SMTNL1: variants seen among roughly 807,000 people sequenced by gnomAD.
SMTNL1 encodes the protein smoothelin-like protein 1.
Under a neutral mutation model 46.6 loss-of-function variants are expected in SMTNL1, and 41 were observed. The observed-to-expected ratio is 0.88, with a 90% CI of 0.69 to 1.14. The LOEUF is 1.14. Among genes scored for constraint, SMTNL1 ranks in the 50% most tolerant of loss-of-function variants. SMTNL1 has a pLI of 0.00. For missense variants in SMTNL1, 591 were observed against 626.1 expected, an observed-to-expected ratio of 0.94 and a Z score of 0.60; for synonymous variants, 234 against 234.2, an observed-to-expected ratio of 1.00 and a Z score of 0.01.
chr11:57,541,398 G>A, intron 1 of SMTNL1: 1 of 845,582 alleles, frequency 1.2e-6, no homozygotes, highest in Non-Finnish European at 1.7e-6. Flanking sequence ...AAGGGCAGGA[G>A]CATGAAGGAG....
intron 1 of SMTNL1, among the ~76,000 whole-genome samples, chr11:57,537,953 C>T (rs1206559191): frequency 6.6e-6 from 1 of 152,104 alleles, no homozygotes; most frequent in East Asian, 1.9e-4. Flanking sequence ...CTGTCCAGCC[C>T]ACAGGCTACC....
chr11:57,543,911 C>A lies in SMTNL1; in HGVS notation c.908C>A (p.Pro303His), dbSNP rs1334136053. The A allele has an allele frequency of 1.3e-6, 2 of 1,584,322 alleles. No individual in the cohort carries two copies. The highest frequency in any genetic ancestry group is 1.3e-5 in the African/African-American group (1 of 74,428). ...PDCVASGQTS[P>H]SASESSPSDV... ...TGTGTAGCTTCCGGACAGACCAGTC[C>A]TTCAGCCAGGTAATGTCAAACTCTG... Residue 303 changes from proline to histidine, a missense_variant, in exon 4 of 8, where the codon CCT becomes CAT. By Grantham distance (77) the Pro-to-His change is moderately conservative (BLOSUM62 -2). Transcript: ENST00000527972.
intron 1 of SMTNL1, chr11:57,541,507 T>C (rs776337006): frequency 2.9e-6 from 4 of 1,367,380 alleles, no homozygotes; most frequent in East Asian, 4.6e-5. Flanking sequence ...TCTACCCCCA[T>C]GCTCCCGGGG....
rs1056058108 is a variant in SMTNL1, at chr11:57,543,700, G to C, written c.809G>C (p.Ser270Thr). ...EPEGGAGVIP[S>T]SPEEWPESPT... is the part of the protein sequence containing the mutation. ...GAGGGAGGGGCAGGGGTGATTCCCA[G>C]CTCCCCAGAGGAGTGGCCTGAGAGC... is the stretch of plus-strand genomic sequence containing the variant. Residue 270 changes from serine to threonine, a missense_variant, in exon 3 of 8, where the codon AGC becomes ACC. Coordinates refer to ENST00000527972, the MANE Select transcript of SMTNL1 (RefSeq NM_001105565.3). 14 of 1,584,126 alleles carry C rather than the reference G, an allele frequency of 8.8e-6. No homozygotes were observed. The highest frequency in any genetic ancestry group is 1.8e-5 in the Admixed American group (1 of 54,782).
intron 4 of SMTNL1, 90 bp downstream of exon 4, chr11:57,544,010 G>C: frequency 9.2e-6 from 12 of 1,308,708 alleles, no homozygotes; most frequent in Non-Finnish European, 1.3e-5. Flanking sequence ...GGTTCCCCCA[G>C]CACCTGATTT....
intron 1 of SMTNL1, chr11:57,541,493 A>G (rs779574429): frequency 9.5e-6 from 13 of 1,367,148 alleles, no homozygotes; most frequent in Non-Finnish European, 1.3e-5. Flanking sequence ...TTAAGATGTC[A>G]TAATCTACCC....
In SMTNL1 at chr11:57,550,025, GC is replaced by G; in HGVS notation, c.1401del (p.Asp468ThrfsTer22). 6.2e-7 allele frequency: 1 copy of G among 1,613,970 alleles called. No individual in the cohort carries two copies. The highest frequency in any genetic ancestry group is 8.5e-7 in the Non-Finnish European group (1 of 1,179,876). The stretch of plus-strand genomic sequence containing the variant: ...TGGATGACATGGTGCGGTTGGCTGT[GC>G]CCGACTCCAAGTGCGTCTACACATA... Reference protein sequence around the residue: ...DVDDMVRLAVPDSKCVYTYIQ... With the variant: ...DVDDMVRLAVXDSKCVYTYIQ... On this transcript the variant is annotated frameshift_variant, in exon 8 of 8. Transcript: ENST00000527972. LOFTEE classifies it high-confidence loss of function.
intron 1 of SMTNL1, 104 bp from the exon 2 acceptor site, chr11:57,542,537 G>A: frequency 7.3e-7 from 1 of 1,365,884 alleles, no homozygotes. Flanking sequence ...AGCCAAGACT[G>A]AACCACGGAC....
intron 7 of SMTNL1, among the ~76,000 whole-genome samples, chr11:57,548,408 AC>A (rs1944936056): frequency 6.6e-6 from 1 of 152,052 alleles, no homozygotes; most frequent in Admixed American, 6.6e-5. Flanking sequence ...AGTGGCTCAC[AC>A]CTGTAATCCT....
intron 1 of SMTNL1, among the ~76,000 whole-genome samples, chr11:57,540,193 T>C (rs553984935): frequency 4.6e-5 from 7 of 152,316 alleles, no homozygotes; most frequent in African/African-American, 1.4e-4. Flanking sequence ...TTCTTGACTA[T>C]CTGGTTTCTA....
chr11:57,540,419 G>A (rs565524565), intron 1 of SMTNL1, among the ~76,000 whole-genome samples: 1 of 152,146 alleles, frequency 6.6e-6, no homozygotes. Flanking sequence ...ATCTCTAAGA[G>A]GGTAAAGAGT....
intron 7 of SMTNL1, among the ~76,000 whole-genome samples, chr11:57,549,692 T>C (rs1944944016): frequency 6.6e-6 from 1 of 152,162 alleles, no homozygotes; most frequent in Admixed American, 6.5e-5. Context: ...CATTATTGAA[T>C]TATTCACTGG....
chr11:57,541,331 G>A (rs1944875651), intron 1 of SMTNL1, among the ~76,000 whole-genome samples: 1 of 152,158 alleles, frequency 6.6e-6, no homozygotes, highest in Non-Finnish European at 1.5e-5. Context: ...CTTACTGCCT[G>A]AGTCATGCCC....
At chr11:57,544,939 C>T (rs997975393) in intron 4 of SMTNL1, among the ~76,000 whole-genome samples, 6 of 150,840 alleles carry the variant, frequency 4.0e-5, no homozygotes, top group African/African-American at 7.3e-5. Context: ...CGGGTTCAAG[C>T]GATTCTCCTG....
At chr11:57,538,006 T>C (rs1944842458) in intron 1 of SMTNL1, among the ~76,000 whole-genome samples, 1 of 151,130 alleles carries the variant, frequency 6.6e-6, no homozygotes, top group Non-Finnish European at 1.5e-5. Flanking sequence ...CATGAATTCA[T>C]AAACTTTCTT....
intron 1 of SMTNL1, among the ~76,000 whole-genome samples, 192 bp from the exon 2 acceptor site, chr11:57,542,449 T>C (rs976050928): frequency 1.3e-5 from 2 of 152,242 alleles, no homozygotes; most frequent in Admixed American, 6.5e-5. Flanking sequence ...TCCAACGTCA[T>C]GTCAATGTAG....
intron 4 of SMTNL1, among the ~76,000 whole-genome samples, chr11:57,544,258 T>C (rs191533373): frequency 6.4e-4 from 98 of 152,292 alleles, no homozygotes; most frequent in African/African-American, 2.2e-3. Flanking sequence ...TGGGCACCTG[T>C]AATCCCATCT....
At chr11:57,538,610 G>A (rs1194315041) in intron 1 of SMTNL1, among the ~76,000 whole-genome samples, 1 of 152,208 alleles carries the variant, frequency 6.6e-6, no homozygotes, top group Non-Finnish European at 1.5e-5. Context: ...TAGGGACACT[G>A]GGCTGCGGAG....
rs374208327 is a variant in SMTNL1, at chr11:57,543,603, C to T, written c.733-21C>T. The T allele has an allele frequency of 6.9e-5, 111 of 1,602,992 alleles. 1 individual carries two copies. The highest frequency in any genetic ancestry group is 1.9e-4 in the Middle Eastern group (1 of 5,312). ...CAGGTGCTGTGTGACCATGAGCTCA[C>T]GCAGATCATGCTCATTCCAGGAGCC... On this transcript the variant is annotated intron_variant, in intron 2 of 7. Transcript: ENST00000527972.
Sources: allele counts gnomAD v4.1 joint callset (sites outside exome capture counted in the v4.1 genomes callset), GRCh38; gene constraint gnomAD v4.1.1; transcripts MANE v1.5; gene names NCBI Gene and HGNC (gene_info 2026-07-23, HGNC 2026-07-21).